CLCN1: variants seen among roughly 807,000 people sequenced by gnomAD.
CLCN1 encodes chloride voltage-gated channel 1, also known as chloride channel protein 1.
A neutral mutation model predicts 114.5 loss-of-function variants in CLCN1; 100 were observed. The ratio of observed to expected loss-of-function variants is 0.87; its 90% confidence interval spans 0.74 to 1.03. CLCN1 has a LOEUF of 1.03. CLCN1 is among the 50% of genes least tolerant of loss of function. The pLI, the probability that CLCN1 is intolerant of heterozygous loss-of-function variation, is 0.00. For synonymous variants in CLCN1, 485 were observed against 487.1 expected, an observed-to-expected ratio of 1.00 and a Z score of 0.06; for missense variants, 1,188 against 1,250.0, an observed-to-expected ratio of 0.95 and a Z score of 0.75.
At chr7:143,318,840 C>T (rs753875443) in intron 1 of CLCN1, among the ~76,000 whole-genome samples, 1 of 152,214 alleles carries the variant, frequency 6.6e-6, no homozygotes, top group Non-Finnish European at 1.5e-5. Context: ...AGAAGACAAA[C>T]AGCCATGAGC....
chr7:143,320,605 T>A (rs1802401987), intron 2 of CLCN1, 59 bp from the exon 3 acceptor site: 5 of 1,344,082 alleles, frequency 3.7e-6, no homozygotes, highest in Admixed American at 1.7e-5. Context: ...ATATATATAT[T>A]TTTGTTTGTT....
chr7:143,330,902 C>T lies in CLCN1; in HGVS notation c.979+5C>T, dbSNP rs377300277. 8 of 1,614,022 alleles carry T rather than the reference C, an allele frequency of 5.0e-6. No homozygotes were observed. In the African/African-American group the frequency reaches 8.0e-5, roughly 16 times the overall value. Reference sequence around the variant, plus strand: ...CAGTGTGGAACAAGGATGCTGGTAACCAAGGAGGCCTTGGGTGGAGGCCAT... The same window carrying T: ...CAGTGTGGAACAAGGATGCTGGTAATCAAGGAGGCCTTGGGTGGAGGCCAT... On this transcript the variant is annotated splice_donor_5th_base_variant and intron_variant, in intron 8 of 22. Coordinates refer to ENST00000343257, the MANE Select transcript of CLCN1 (RefSeq NM_000083.3).
rs375850824 is a variant in CLCN1 at position 143,350,863 on chromosome 7, C to T, written c.2595+209C>T. Reference sequence around the variant, plus strand: ...CGTGATCTCAGCTCACTGCAACCTCCGCCTCCCGGGTTCAAGTGATTCTCC... The same window carrying T: ...CGTGATCTCAGCTCACTGCAACCTCTGCCTCCCGGGTTCAAGTGATTCTCC... On this transcript the variant is annotated intron_variant, in intron 22 of 22. Coordinates refer to ENST00000343257, the MANE Select transcript of CLCN1 (RefSeq NM_000083.3). This position sits in a 1 kb window ranked among gnomAD's most constrained non-coding sequence, Gnocchi z 5.1. 7.2e-5 allele frequency among the ~76,000 whole-genome samples: 11 copies of T among 151,944 alleles called. No homozygotes were observed. Among genetic ancestry groups the T allele is most frequent in the African/African-American group, 2.2e-4 (9 of 41,450 alleles).
Position 143,342,448 on chromosome 7 carries a change from T to C in CLCN1, c.1873T>C (p.Leu625=), listed in dbSNP as rs372876542. ...TTCAGCTTCTTACACATATGGGGAG[T>C]TGCGAACCCTGCTCCAGACCACCAC... ...FVSASYTYGE[L]RTLLQTTTVK... The change falls in exon 16 of 23, where the codon TTG becomes CTG. Residue 625 remains leucine, a synonymous_variant. Coordinates refer to ENST00000343257, the MANE Select transcript of CLCN1 (RefSeq NM_000083.3). 3 of 1,613,804 alleles carry C rather than the reference T, an allele frequency of 1.9e-6. No individual in the cohort carries two copies. Among genetic ancestry groups the C allele is most frequent in the Non-Finnish European group, 2.5e-6 (3 of 1,179,932 alleles).
At chr7:143,320,559 C>CTCTCTCTCTCTCTG in intron 2 of CLCN1, 105 bp from the exon 3 acceptor site, 1 of 610,370 alleles carries the variant, frequency 1.6e-6, no homozygotes, top group South Asian at 1.8e-5. Context: ...GCTTTTCTCT[C>CTCTCTCTCTCTCTG]TCTCTCTCTC....
chr7:143,321,326 A>G lies in CLCN1; in HGVS notation c.434-39A>G, dbSNP rs1333039505. The G allele has an allele frequency of 1.2e-6, 2 of 1,612,994 alleles. No individual in the cohort carries two copies. Among genetic ancestry groups the G allele is most frequent in the Non-Finnish European group, 8.5e-7 (1 of 1,179,632 alleles). ...CCTGGTGCCGTGGACACGGCTGCTC[A>G]GCCATGTTCTGCCTAACCCCAGGCA... On this transcript the variant is annotated intron_variant, in intron 3 of 22. Coordinates refer to ENST00000343257, the MANE Select transcript of CLCN1 (RefSeq NM_000083.3). The surrounding 1 kb of genome is among the most constrained non-coding windows in gnomAD (Gnocchi z 4.2).
chr7:143,319,801 T>G lies in CLCN1; in HGVS notation c.227T>G (p.Ile76Arg), dbSNP rs1802377296. 6.2e-7 allele frequency: 1 copy of G among 1,613,600 alleles called. No individual in the cohort carries two copies. Among genetic ancestry groups the G allele is most frequent in the South Asian group, 1.1e-5 (1 of 91,076 alleles). ...CAATTCTCAGACAGGGAGCAGGACATAGGGATGCCCAAGAAGACAGGCTCC... is the reference window on the plus strand; with the variant it reads ...CAATTCTCAGACAGGGAGCAGGACAGAGGGATGCCCAAGAAGACAGGCTCC... The part of the protein sequence containing the change: ...KEQFSDREQD[I>R]GMPKKTGSSS... Residue 76 changes from isoleucine to arginine, a missense_variant, in exon 2 of 23, where the codon ATA becomes AGA. By Grantham distance (97) the Ile-to-Arg change is moderately conservative (BLOSUM62 -3). Transcript: ENST00000343257.
intron 19 of CLCN1, 84 bp downstream of exon 19, chr7:143,346,742 G>T: frequency 7.7e-7 from 1 of 1,292,922 alleles, no homozygotes; most frequent in South Asian, 1.2e-5. Context: ...AAATCAGGAA[G>T]GCAGAGACCC....
At chr7:143,318,567 T>C (rs982012042) in intron 1 of CLCN1, among the ~76,000 whole-genome samples, 1 of 152,172 alleles carries the variant, frequency 6.6e-6, no homozygotes, top group Admixed American at 6.5e-5. Context: ...ATTGTATCAC[T>C]TGTAGACTTG....
intron 12 of CLCN1, among the ~76,000 whole-genome samples, chr7:143,335,738 C>T (rs1310476458): frequency 6.7e-6 from 1 of 148,920 alleles, no homozygotes; most frequent in Non-Finnish European, 1.5e-5. Flanking sequence ...CGGCTCACTG[C>T]AAGCTCCGGC....
At chr7:143,327,166 A>T (rs778864262) in intron 7 of CLCN1, among the ~76,000 whole-genome samples, 2 of 152,050 alleles carry the variant, frequency 1.3e-5, no homozygotes, top group Non-Finnish European at 2.9e-5. Flanking sequence ...GAATCACTTG[A>T]ACCTGGGAGG....
At position 143,330,847 on chromosome 7, in the gene CLCN1, C is replaced by T. The variant is rs80356691; in HGVS notation, c.929C>T (p.Thr310Met). Residue 310 changes from threonine to methionine, a missense_variant, in exon 8 of 23, where the codon ACG (threonine) becomes ATG (methionine). Physicochemically the swap from Thr to Met is moderately conservative, Grantham distance 81. Coordinates refer to ENST00000343257, the MANE Select transcript of CLCN1 (RefSeq NM_000083.3). ...TACTGGAGAGGATTCTTTGCAGCCA[C>T]GTTCAGCGCCTTTGTGTTTCGAGTG... The part of the protein sequence containing the change: ...RNYWRGFFAA[T>M]FSAFVFRVLA... The T allele has an allele frequency of 1.9e-6, 3 of 1,614,076 alleles. No individual in the cohort carries two copies. Among genetic ancestry groups the T allele is most frequent in the African/African-American group, 1.3e-5 (1 of 74,916 alleles).
chr7:143,337,665 A>G (rs574127462), intron 12 of CLCN1, among the ~76,000 whole-genome samples: 2 of 152,242 alleles, frequency 1.3e-5, no homozygotes, highest in South Asian at 4.1e-4. Context: ...TTTGAGATCC[A>G]TTTCTGAAAT....
At position 143,350,700 on chromosome 7, in the gene CLCN1, A is replaced by G; in HGVS notation, c.2595+46A>G. ...TTGAGCAGCAGGAGGGAGGCTGGGC[A>G]TAGGATAAGGGGATGCAGTGGGGAC... On this transcript the variant is annotated intron_variant, in intron 22 of 22. Transcript: ENST00000343257. The surrounding 1 kb of genome is among the most constrained non-coding windows in gnomAD (Gnocchi z 5.1). The G allele has an allele frequency of 7.0e-7, 1 of 1,430,042 alleles. No homozygotes were observed. The allele number at this position is 1,430,042 out of a possible 1,614,324, so 88.6% of individuals were successfully genotyped here.
chr7:143,342,252 T>C, intron 15 of CLCN1, 110 bp downstream of exon 15: 18 of 1,478,696 alleles, frequency 1.2e-5, no homozygotes, highest in Non-Finnish European at 1.7e-5. Flanking sequence ...TAAATTATTA[T>C]TATATTCTCA....
Position 143,331,773 on chromosome 7 carries a change from G to A in CLCN1, c.1166+121G>A. ...TGGGTGGCTTGCATTAAAATATAAG[G>A]AAGCTCTGATATTGTGGTTAGGGGG... On this transcript the variant is annotated intron_variant, in intron 10 of 22. Coordinates refer to ENST00000343257, the MANE Select transcript of CLCN1 (RefSeq NM_000083.3). 8.1e-6 allele frequency: 6 copies of A among 738,286 alleles called. 1 individual carries two copies. In the South Asian group the frequency reaches 8.7e-5, roughly 11 times the overall value. 45.7% of individuals were successfully genotyped at this position (738,286 alleles called of 1,614,324 possible).
chr7:143,321,848 G>A lies in CLCN1; in HGVS notation c.696G>A (p.Glu232=), dbSNP rs923380712. ...GLGSGIPVGK[E]GPFVHIASIC... is the part of the protein sequence containing the mutation. ...GCAGTGGCATCCCCGTGGGGAAAGA[G>A]GTAGGCCTGGCATGACTGAAGCCAG... is the stretch of plus-strand genomic sequence containing the variant. Residue 232 remains glutamate (E), a splice_region_variant and synonymous_variant, in exon 5 of 23, where the codon GAG becomes GAA. Transcript: ENST00000343257. The surrounding 1 kb of genome is among the most constrained non-coding windows in gnomAD (Gnocchi z 4.2). The A allele has an allele frequency of 2.5e-6, 4 of 1,614,094 alleles. No homozygotes were observed. The highest frequency in any genetic ancestry group is 3.4e-6 in the Non-Finnish European group (4 of 1,179,970).
chr7:143,332,734 G>T lies in CLCN1; in HGVS notation c.1262G>T (p.Arg421Leu), dbSNP rs780834658. Reference sequence around the variant, plus strand: ...TTCTTCCTCTCCCAGTTGATGCCCCGCGAAGCCATCAGTACTTTGTTTGAC... The same window carrying T: ...TTCTTCCTCTCCCAGTTGATGCCCCTCGAAGCCATCAGTACTTTGTTTGAC... ...GQFMAGELMP[R>L]EAISTLFDNN... is the part of the protein sequence containing the mutation. Residue 421 changes from arginine to leucine, a missense_variant, in exon 12 of 23, where the codon CGC (arginine) becomes CTC (leucine). Coordinates refer to ENST00000343257, the MANE Select transcript of CLCN1 (RefSeq NM_000083.3). The T allele has an allele frequency of 3.7e-6, 6 of 1,614,094 alleles. No homozygotes were observed. Among genetic ancestry groups the T allele is most frequent in the Non-Finnish European group, 5.1e-6 (6 of 1,180,036 alleles).
intron 16 of CLCN1, among the ~76,000 whole-genome samples, 158 bp from the exon 17 acceptor site, chr7:143,345,363 A>C (rs926622174): frequency 6.6e-6 from 1 of 152,198 alleles, no homozygotes; most frequent in African/African-American, 2.4e-5. Flanking sequence ...AGTGAGGTTA[A>C]TCTTGGAGGA....
Sources: allele counts gnomAD v4.1 joint callset (sites outside exome capture counted in the v4.1 genomes callset), GRCh38; gene constraint gnomAD v4.1.1; non-coding constraint Gnocchi (gnomAD v3.1); transcripts MANE v1.5; gene names NCBI Gene and HGNC (gene_info 2026-07-23, HGNC 2026-07-21).